Variants in MAML2 observed in about 807,000 individuals in gnomAD.
MAML2 encodes mastermind like transcriptional coactivator 2, also known as mastermind-like protein 2.
A neutral mutation model predicts 96.1 loss-of-function variants in MAML2; 22 were observed. The observed-to-expected ratio is 0.23, with a 90% CI of 0.16 to 0.33. The LOEUF is 0.33. MAML2 is among the 10% of genes least tolerant of loss of function. The pLI is 1.00. For synonymous variants in MAML2, 561 were observed against 521.3 expected (o/e 1.08, Z -1.04); for missense variants, 1,367 against 1,392.4 (o/e 0.98, Z 0.29).
intron 1 of MAML2, among the ~76,000 whole-genome samples, chr11:96,180,265 CT>C (rs1346457779): frequency 1.3e-5 from 2 of 152,174 alleles, no homozygotes; most frequent in Admixed American, 6.5e-5. Flanking sequence ...TTTGACACTC[CT>C]CCCCCTGAGA....
chr11:96,069,589 A>G (rs969724200), intron 2 of MAML2, among the ~76,000 whole-genome samples: 2 of 152,144 alleles, frequency 1.3e-5, no homozygotes, highest in Non-Finnish European at 2.9e-5. Flanking sequence ...AGGTGGGAGG[A>G]TCACTAGAGC....
At chr11:96,322,945 C>T (rs542677690) in intron 1 of MAML2, among the ~76,000 whole-genome samples, 1 of 152,270 alleles carries the variant, frequency 6.6e-6, no homozygotes, top group South Asian at 2.1e-4. Context: ...GCTTCAGGTT[C>T]TTTCGCCCTT....
chr11:96,308,056 C>G (rs916714466), intron 1 of MAML2, among the ~76,000 whole-genome samples: 1 of 152,146 alleles, frequency 6.6e-6, no homozygotes, highest in African/African-American at 2.4e-5. Context: ...ATTCTGGCTT[C>G]TTTACAATTC....
chr11:96,319,480 G>C (rs139804817), intron 1 of MAML2, among the ~76,000 whole-genome samples: 2 of 152,300 alleles, frequency 1.3e-5, no homozygotes, highest in Non-Finnish European at 2.9e-5. Flanking sequence ...ATGGCAACTG[G>C]AAACTATCTT....
At chr11:96,103,109 C>T (rs964937180) in intron 1 of MAML2, among the ~76,000 whole-genome samples, 22 of 152,092 alleles carry the variant, frequency 1.4e-4, no homozygotes, top group Non-Finnish European at 2.8e-4. Flanking sequence ...TATTTTTTCT[C>T]CCTGCTTTAA....
chr11:96,336,949 C>T (rs1478957497), intron 1 of MAML2, among the ~76,000 whole-genome samples: 2 of 152,182 alleles, frequency 1.3e-5, no homozygotes, highest in Non-Finnish European at 2.9e-5. Flanking sequence ...TATAAACAAA[C>T]ATTGTCCTAA....
chr11:96,072,913 T>G (rs184643662), intron 2 of MAML2, among the ~76,000 whole-genome samples: 2 of 152,340 alleles, frequency 1.3e-5, no homozygotes, highest in East Asian at 3.9e-4. Context: ...TGTCTCATGG[T>G]GGCTCCATTT....
intron 1 of MAML2, among the ~76,000 whole-genome samples, chr11:96,236,928 A>AT (rs1284880875): frequency 6.6e-6 from 1 of 152,172 alleles, no homozygotes; most frequent in Admixed American, 6.5e-5. Context: ...AGTGCCATCT[A>AT]TCATTTCTGC....
rs139465707 is a variant in MAML2 at position 96,221,080 on chromosome 11, G to A, written c.513+120303C>T. Among the ~76,000 whole-genome samples, 560 of 152,212 alleles carry A rather than the reference G, an allele frequency of 3.7e-3. 14 individuals are homozygous for A. The highest frequency in any genetic ancestry group is 0.024 in the Admixed American group (374 of 15,286). The stretch of plus-strand genomic sequence containing the variant: ...GAGGAGATGTATTACTATAAAATAA[G>A]TTCACAGTATATAGTGTTATTAATA... On this transcript the variant is annotated intron_variant, in intron 1 of 4. Transcript: ENST00000524717.
intron 1 of MAML2, among the ~76,000 whole-genome samples, chr11:96,247,994 C>A (rs1862533086): frequency 6.6e-6 from 1 of 151,926 alleles, no homozygotes; most frequent in African/African-American, 2.4e-5. Context: ...GTAAAATGTA[C>A]TGGATTTTGA....
At chr11:96,091,493 T>C (rs904411361) in intron 2 of MAML2, among the ~76,000 whole-genome samples, 1 of 98,790 alleles carries the variant, frequency 1.0e-5, no homozygotes, top group Admixed American at 8.8e-5. Flanking sequence ...CCTCCAGCTT[T>C]ATTCAATACT....
chr11:96,102,365 C>T (rs1310994160), intron 1 of MAML2, among the ~76,000 whole-genome samples: 1 of 152,070 alleles, frequency 6.6e-6, no homozygotes, highest in Admixed American at 6.5e-5. Flanking sequence ...AGGAATTTAC[C>T]AGTCTGTCTG....
At position 96,145,272 on chromosome 11, in the gene MAML2, G is replaced by A. The variant is rs140766281; in HGVS notation, c.514-51755C>T. ...GAGACCTTGAGGAAGACCATGAGCC[G>A]CCAAATAGCTACCATGATATTGCTA... On this transcript the variant is annotated intron_variant, in intron 1 of 4. Transcript: ENST00000524717. Among the ~76,000 whole-genome samples, 896 of 152,222 alleles carry A rather than the reference G, an allele frequency of 5.9e-3. 12 individuals carry two copies. Among genetic ancestry groups the A allele is most frequent in the African/African-American group, 0.019 (806 of 41,524 alleles).
chr11:96,162,586 C>T (rs183657532), intron 1 of MAML2, among the ~76,000 whole-genome samples: 39 of 151,780 alleles, frequency 2.6e-4, no homozygotes, highest in Admixed American at 1.8e-3. Context: ...TGGTGCATGC[C>T]GGTAATCCCA....
At position 96,231,313 on chromosome 11, in the gene MAML2, A is replaced by G. The variant is rs149967346; in HGVS notation, c.513+110070T>C. 2.9e-3 allele frequency among the ~76,000 whole-genome samples: 443 copies of G among 152,298 alleles called. 1 individual carries two copies. Among genetic ancestry groups the G allele is most frequent in the African/African-American group, 1.0e-2 (415 of 41,552 alleles). ...TCTCTACAGAAAGGAAATGCGTTGT[A>G]TTGATTTCTGTATTCCTATTAACTT... is the stretch of plus-strand genomic sequence containing the variant. On this transcript the variant is annotated intron_variant, in intron 1 of 4. Coordinates refer to ENST00000524717, the MANE Select transcript of MAML2 (RefSeq NM_032427.4).
chr11:96,103,407 G>C (rs1412282298), intron 1 of MAML2, among the ~76,000 whole-genome samples: 1 of 152,162 alleles, frequency 6.6e-6, no homozygotes, highest in East Asian at 1.9e-4. Flanking sequence ...AAGCCATATA[G>C]CTGATTCTTA....
intron 1 of MAML2, among the ~76,000 whole-genome samples, chr11:96,338,206 C>G (rs533755126): frequency 6.6e-6 from 1 of 152,210 alleles, no homozygotes; most frequent in African/African-American, 2.4e-5. Flanking sequence ...ACAGTTCATT[C>G]AAAGATTCAA....
In MAML2 at chr11:96,242,796, C is replaced by T. The variant is rs75715439; in HGVS notation, c.513+98587G>A. ...TTATGAAGTGCCAATAAATAATAACCCCAAATCAGCTTACAGCATCACTTA... is the reference window on the plus strand; with the variant it reads ...TTATGAAGTGCCAATAAATAATAACTCCAAATCAGCTTACAGCATCACTTA... On this transcript the variant is annotated intron_variant, in intron 1 of 4. Coordinates refer to ENST00000524717, the MANE Select transcript of MAML2 (RefSeq NM_032427.4). 1.2e-3 allele frequency among the ~76,000 whole-genome samples: 190 copies of T among 152,222 alleles called. 3 individuals carry two copies. In the East Asian group the frequency reaches 0.032, roughly 26 times the overall value.
intron 1 of MAML2, among the ~76,000 whole-genome samples, chr11:96,274,923 T>A (rs979199068): frequency 1.3e-5 from 2 of 152,052 alleles, no homozygotes; most frequent in South Asian, 4.1e-4. Context: ...ATGTGCATAT[T>A]AGATATGTAT....
Sources: allele counts gnomAD v4.1 joint callset (sites outside exome capture counted in the v4.1 genomes callset), GRCh38; gene constraint gnomAD v4.1.1; transcripts MANE v1.5; gene names NCBI Gene and HGNC (gene_info 2026-07-23, HGNC 2026-07-21).